XRN1: variants seen among roughly 807,000 people sequenced by gnomAD.
XRN1 encodes 5'-3' exoribonuclease 1, also known as strand-exchange protein 1 homolog.
In XRN1, 67 loss-of-function variants were observed where a neutral mutation model predicts 222.3. That is an observed-to-expected ratio of 0.30 (90% CI 0.25 to 0.37). XRN1 has a LOEUF of 0.37. XRN1 is among the 10% of genes least tolerant of loss of function. The probability of loss-of-function intolerance (pLI) is 1.00; values close to 1 mark genes in which losing one functional copy is unlikely to be tolerated. For synonymous variants in XRN1, 643 were observed against 652.4 expected, an observed-to-expected ratio of 0.99 and a Z score of 0.22; for missense variants, 1,707 against 2,000.2, an observed-to-expected ratio of 0.85 and a Z score of 2.80.
At chr3:142,328,416 G>A (rs1054422958) in intron 37 of XRN1, among the ~76,000 whole-genome samples, 1 of 151,708 alleles carries the variant, frequency 6.6e-6, no homozygotes, top group African/African-American at 2.4e-5. Flanking sequence ...GAAACATAAT[G>A]TTTAATTTCC....
Position 142,371,254 on chromosome 3 carries a change from C to T in XRN1, c.3053G>A (p.Gly1018Glu), listed in dbSNP as rs1411610680. ...DVFYEDDIWP[G>E]ENENGAEKVQ... ...TCTTGCTTACCCATTCTCATTTTCTCCAGGCCAAATGTCATCTTCATAGAA... is the reference window on the plus strand; with the variant it reads ...TCTTGCTTACCCATTCTCATTTTCTTCAGGCCAAATGTCATCTTCATAGAA... The change falls in exon 26 of 41, where the codon GGA becomes GAA. Residue 1018 changes from glycine to glutamate, a missense_variant. By Grantham distance (98) the Gly-to-Glu change is moderately conservative. Transcript: ENST00000392981. The T allele has an allele frequency of 1.9e-6, 3 of 1,613,156 alleles. No individual in the cohort carries two copies. The highest frequency in any genetic ancestry group is 1.7e-6 in the Non-Finnish European group (2 of 1,179,758).
intron 29 of XRN1, 95 bp from the exon 30 acceptor site, chr3:142,360,026 A>G (rs2066573114): frequency 1.4e-6 from 1 of 709,830 alleles, no homozygotes; most frequent in Non-Finnish European, 2.2e-6. Flanking sequence ...ATTTATTATA[A>G]AATTCTAGAT....
At chr3:142,319,012 G>T in intron 37 of XRN1, 109 bp from the exon 38 acceptor site, 2 of 951,678 alleles carry the variant, frequency 2.1e-6, no homozygotes, top group South Asian at 2.1e-5. Context: ...TTTAAAAAAG[G>T]GCTTTCAGTT....
rs760858020 is a variant in XRN1 at position 142,336,518 on chromosome 3, A to C, written c.3878-1009T>G. ...CTGAGGAAAGAAGCAGGGGAAGGGG[A>C]ATAGTGAGGAGGGCATGGGAGGAGG... On this transcript the variant is annotated intron_variant, in intron 33 of 40. Coordinates refer to ENST00000392981, the MANE Select transcript of XRN1 (RefSeq NM_001282857.2). Among the ~76,000 whole-genome samples, 342 of 151,456 alleles carry C rather than the reference A, an allele frequency of 2.3e-3. 1 individual carries two copies. The highest frequency in any genetic ancestry group is 4.0e-3 in the South Asian group (19 of 4,766).
At chr3:142,370,919 C>T (rs1473168683) in intron 26 of XRN1, among the ~76,000 whole-genome samples, 3 of 151,872 alleles carry the variant, frequency 2.0e-5, no homozygotes, top group East Asian at 1.9e-4. Flanking sequence ...TAACAAGACA[C>T]GCCTGTAATC....
chr3:142,444,301 AAAAC>A (rs996603539), intron 1 of XRN1, among the ~76,000 whole-genome samples: 1 of 152,186 alleles, frequency 6.6e-6, no homozygotes, highest in African/African-American at 2.4e-5. Flanking sequence ...GATTTAAATT[AAAAC>A]AAACAGAACA....
intron 33 of XRN1, among the ~76,000 whole-genome samples, chr3:142,337,358 T>G (rs563591746): frequency 1.3e-5 from 2 of 152,344 alleles, no homozygotes; most frequent in African/African-American, 4.8e-5. Context: ...TTGCTTATTA[T>G]CAGTCTTCAT....
intron 33 of XRN1, among the ~76,000 whole-genome samples, chr3:142,339,732 G>A (rs542063067): frequency 1.2e-4 from 18 of 152,062 alleles, no homozygotes; most frequent in African/African-American, 3.4e-4. Flanking sequence ...GAGCCCAAGC[G>A]GTTGAGCCTG....
At chr3:142,414,379 C>T in intron 13 of XRN1, 88 bp from the exon 14 acceptor site, 1 of 1,017,136 alleles carries the variant, frequency 9.8e-7, no homozygotes, top group Non-Finnish European at 1.3e-6. Flanking sequence ...ATTTTAACAA[C>T]ATATAAAAAT....
At chr3:142,410,594 A>G (rs1186373678) in intron 15 of XRN1, among the ~76,000 whole-genome samples, 1 of 139,918 alleles carries the variant, frequency 7.1e-6, no homozygotes, top group African/African-American at 2.7e-5. Context: ...CTGAGGGTTC[A>G]AGCGATTCTC....
chr3:142,391,775 T>C (rs950306663), intron 20 of XRN1, among the ~76,000 whole-genome samples: 2 of 144,316 alleles, frequency 1.4e-5, no homozygotes, highest in Non-Finnish European at 3.0e-5. Flanking sequence ...TATATATATA[T>C]GAATGAAATA....
chr3:142,335,548 G>A, intron 33 of XRN1, 39 bp from the exon 34 acceptor site: 2 of 1,538,070 alleles, frequency 1.3e-6, no homozygotes, highest in South Asian at 1.1e-5. Flanking sequence ...AAATGGAAGT[G>A]TTTACTGCAC....
At chr3:142,413,355 G>A (rs1008578603) in intron 14 of XRN1, among the ~76,000 whole-genome samples, 2 of 152,176 alleles carry the variant, frequency 1.3e-5, no homozygotes, top group African/African-American at 4.8e-5. Flanking sequence ...GGGTATTAAA[G>A]CGTATTGTAT....
Position 142,371,299 on chromosome 3 carries a change from T to C in XRN1, c.3008A>G (p.Lys1003Arg). ...RAPELFSYIAKNSQEDVFYED... is the reference protein window; with the variant it reads ...RAPELFSYIARNSQEDVFYED... ...ATAGAACACATCCTCTTGGCTATTT[T>C]TGGCTATATAACTAAATAGTTCTGG... Residue 1003 changes from lysine to arginine, a missense_variant, in exon 26 of 41, where the codon AAA becomes AGA. Lys to Arg is a conservative substitution (Grantham distance 26). Around this residue, in one of 2 missense-constraint regions of XRN1, gnomAD observed 1,234 missense variants for 1,518.2 expected, o/e 0.81. Transcript: ENST00000392981. The C allele has an allele frequency of 1.2e-6, 2 of 1,613,412 alleles. No individual in the cohort carries two copies. The highest frequency in any genetic ancestry group is 1.1e-5 in the South Asian group (1 of 90,986).
chr3:142,358,868 T>C (rs1476053314), intron 30 of XRN1, among the ~76,000 whole-genome samples: 3 of 152,238 alleles, frequency 2.0e-5, no homozygotes, highest in Non-Finnish European at 4.4e-5. Context: ...GGGTAATTAA[T>C]TTTTTATTTT....
intron 37 of XRN1, among the ~76,000 whole-genome samples, chr3:142,328,173 G>A (rs181781327): frequency 5.9e-4 from 90 of 152,102 alleles, no homozygotes; most frequent in Admixed American, 2.9e-3. Flanking sequence ...TTTTCCTTTA[G>A]ATAGATACCC....
intron 15 of XRN1, among the ~76,000 whole-genome samples, chr3:142,405,992 A>C (rs2068321149): frequency 1.3e-5 from 2 of 152,210 alleles, no homozygotes; most frequent in Non-Finnish European, 2.9e-5. Context: ...TGCCATATAC[A>C]AATCAAGAGA....
Position 142,422,743 on chromosome 3 carries a change from A to G in XRN1, c.806T>C (p.Ile269Thr), listed in dbSNP as rs1353580450. ...CCTTTCAATATCATATTTAAATGTGATCTTTTCCTACAGTAAAATAGAGAA... is the reference window on the plus strand; with the variant it reads ...CCTTTCAATATCATATTTAAATGTGGTCTTTTCCTACAGTAAAATAGAGAA... ...DYEFSVLKEK[I>T]TFKYDIERII... The change falls in exon 8 of 41, where the codon ATC becomes ACC. Residue 269 changes from isoleucine to threonine, a missense_variant. Physicochemically the swap from Ile to Thr is moderately conservative, Grantham distance 89. Transcript: ENST00000392981. 1.2e-6 allele frequency: 2 copies of G among 1,609,352 alleles called. No homozygotes were observed. The highest frequency in any genetic ancestry group is 1.7e-6 in the Non-Finnish European group (2 of 1,178,122).
intron 33 of XRN1, among the ~76,000 whole-genome samples, chr3:142,340,865 TCAAA>T (rs988637840): frequency 6.6e-6 from 1 of 152,088 alleles, no homozygotes; most frequent in African/African-American, 2.4e-5. Flanking sequence ...AAAGACTTTC[TCAAA>T]CAAAAGCTGA....
Sources: gnomAD v4.1 joint callset for allele counts (sites outside exome capture counted in the v4.1 genomes callset) on GRCh38, gnomAD v4.1.1 for gene constraint, gnomAD v4.1.1 regional missense constraint, MANE v1.5 for transcripts, NCBI Gene and HGNC (gene_info 2026-07-23, HGNC 2026-07-21) for gene names.